The following TRDN variants were observed in gnomAD, a reference collection of about 807,000 sequenced individuals.
The protein encoded by TRDN is triadin in skeletal muscle.
TRDN carries 161 observed loss-of-function variants against 149.7 expected under a neutral mutation model. That is an observed-to-expected ratio of 1.08 (90% CI 0.95 to 1.23). TRDN has a LOEUF of 1.23. Among genes scored for constraint, TRDN ranks in the 50% most tolerant of loss-of-function variants. TRDN has a pLI of 0.00. For synonymous variants in TRDN, 294 were observed against 250.5 expected (o/e 1.17, Z -1.64); for missense variants, 896 against 823.5 (o/e 1.09, Z -1.08).
intron 20 of TRDN, among the ~76,000 whole-genome samples, chr6:123,364,846 A>AT (rs1430171759): frequency 6.6e-6 from 1 of 152,062 alleles, no homozygotes; most frequent in Non-Finnish European, 1.5e-5. Flanking sequence ...TATGTTAGTG[A>AT]TTTTCTCTGA....
intron 2 of TRDN, among the ~76,000 whole-genome samples, chr6:123,570,208 C>G (rs1348405285): frequency 6.6e-6 from 1 of 152,096 alleles, no homozygotes; most frequent in East Asian, 1.9e-4. Context: ...AAATGTTTCG[C>G]TTATGGTAAA....
At chr6:123,549,437 G>T (rs1211680050) in intron 2 of TRDN, among the ~76,000 whole-genome samples, 1 of 152,024 alleles carries the variant, frequency 6.6e-6, no homozygotes, top group Non-Finnish European at 1.5e-5. Context: ...AATTGCATCT[G>T]ATTTTTTATC....
At chr6:123,619,179 A>G (rs1379928327) in intron 1 of TRDN, among the ~76,000 whole-genome samples, 1 of 152,218 alleles carries the variant, frequency 6.6e-6, no homozygotes, top group Non-Finnish European at 1.5e-5. Flanking sequence ...CTGTAGCTGC[A>G]TAATAAAAGA....
In TRDN at chr6:123,260,644, G is replaced by GAAAAAA; in HGVS notation, c.1805-12_1805-7dup. ...TGTGACTTCTGATGTTCCTTCTTTA[G>GAAAAAA]AAAAAAAAAAAAAAAGAATGTAGAA... On this transcript the variant is annotated splice_polypyrimidine_tract_variant and splice_region_variant and intron_variant, in intron 33 of 40. Transcript: ENST00000334268. 3.8e-6 allele frequency: 4 copies of GAAAAAA among 1,062,544 alleles called. No individual in the cohort carries two copies. Among genetic ancestry groups the GAAAAAA allele is most frequent in the East Asian group, 3.5e-5 (1 of 28,516 alleles). The allele number at this position is 1,062,544 out of a possible 1,614,324, so 65.8% of individuals were successfully genotyped here. A position where few individuals can be genotyped will look rare whatever the true frequency, so the allele number is the denominator to read the frequency against.
At chr6:123,223,914 T>C (rs1775257593) in intron 39 of TRDN, among the ~76,000 whole-genome samples, 179 bp downstream of exon 39, 1 of 151,558 alleles carries the variant, frequency 6.6e-6, no homozygotes, top group Admixed American at 6.6e-5. Flanking sequence ...TGAAAAGATG[T>C]ATATTTTCCA....
intron 24 of TRDN, among the ~76,000 whole-genome samples, chr6:123,280,883 T>C (rs889853795): frequency 1.3e-5 from 2 of 152,104 alleles, no homozygotes; most frequent in Non-Finnish European, 1.5e-5. Flanking sequence ...GTATCTATCA[T>C]TGAATGCAGG....
chr6:123,424,467 A>G (rs1194887375), intron 12 of TRDN, among the ~76,000 whole-genome samples: 2 of 152,076 alleles, frequency 1.3e-5, no homozygotes, highest in East Asian at 3.9e-4. Flanking sequence ...TCATGCATCA[A>G]TTAGCTTTCT....
intron 1 of TRDN, among the ~76,000 whole-genome samples, chr6:123,619,223 C>A (rs1785254380): frequency 6.6e-6 from 1 of 152,142 alleles, no homozygotes; most frequent in Non-Finnish European, 1.5e-5. Flanking sequence ...CAACTGTAAT[C>A]ATTTATTTTG....
chr6:123,574,171 C>T (rs762785822), intron 1 of TRDN, among the ~76,000 whole-genome samples: 12 of 151,658 alleles, frequency 7.9e-5, no homozygotes, highest in African/African-American at 2.2e-4. Flanking sequence ...TAAGGAACAT[C>T]GGAGCAAAAT....
intron 5 of TRDN, among the ~76,000 whole-genome samples, chr6:123,518,846 C>T (rs1042689680): frequency 3.9e-5 from 6 of 152,224 alleles, no homozygotes; most frequent in East Asian, 1.9e-4. Context: ...CACTGAAGCT[C>T]CTTGGACAGA....
chr6:123,557,702 C>A (rs552485241), intron 2 of TRDN, among the ~76,000 whole-genome samples: 42 of 152,184 alleles, frequency 2.8e-4, no homozygotes, highest in African/African-American at 8.7e-4. Flanking sequence ...CTGTCTTGGT[C>A]CTTCACCCTT....
intron 33 of TRDN, among the ~76,000 whole-genome samples, chr6:123,261,708 G>T (rs1450205418): frequency 6.6e-6 from 1 of 151,716 alleles, no homozygotes; most frequent in Non-Finnish European, 1.5e-5. Context: ...TTATGACAAT[G>T]AAGGTATACA....
chr6:123,470,608 A>C (rs1419118717), intron 9 of TRDN: 3 of 152,248 alleles, frequency 2.0e-5, no homozygotes, highest in Non-Finnish European at 4.4e-5. Context: ...GCAGGACCCC[A>C]CTAAACTATA....
intron 24 of TRDN, among the ~76,000 whole-genome samples, chr6:123,303,318 G>T (rs1582843551): frequency 2.1e-5 from 1 of 47,496 alleles, no homozygotes; most frequent in African/African-American, 5.6e-5. Flanking sequence ...TTTCCATAAA[G>T]ATAATGTTGT....
Position 123,464,994 on chromosome 6 carries a change from T to C in TRDN, c.854-11A>G. The C allele has an allele frequency of 1.3e-6, 2 of 1,573,916 alleles. No individual in the cohort carries two copies. Among genetic ancestry groups the C allele is most frequent in the Non-Finnish European group, 1.7e-6 (2 of 1,159,612 alleles). On this transcript the variant is annotated splice_polypyrimidine_tract_variant and intron_variant, in intron 9 of 40. Transcript: ENST00000334268. ...TGGCTGGGCTTTGTCCTACACAATG[T>C]AGAAGTAGGAATTGGAAAAAAAAAA...
chr6:123,343,941 C>T (rs1193978763), intron 21 of TRDN, among the ~76,000 whole-genome samples: 4 of 151,916 alleles, frequency 2.6e-5, no homozygotes, highest in African/African-American at 9.7e-5. Flanking sequence ...ATGGAACCCT[C>T]ATTAATCAAA....
At chr6:123,625,303 G>A (rs1054887658) in intron 1 of TRDN, among the ~76,000 whole-genome samples, 2 of 152,062 alleles carry the variant, frequency 1.3e-5, no homozygotes, top group African/African-American at 4.8e-5. Context: ...GGCACACCTT[G>A]GAGATACCAT....
At chr6:123,515,782 C>T (rs143463625) in intron 6 of TRDN, among the ~76,000 whole-genome samples, 57 of 152,102 alleles carry the variant, frequency 3.7e-4, no homozygotes, top group African/African-American at 1.3e-3. Context: ...TTAAAGCAAT[C>T]TAATAGATAA....
At chr6:123,426,176 G>A (rs979867673) in intron 12 of TRDN, among the ~76,000 whole-genome samples, 2 of 152,262 alleles carry the variant, frequency 1.3e-5, no homozygotes, top group Non-Finnish European at 1.5e-5. Context: ...GAAGTACATG[G>A]TTGGATTTGA....
Sources: gnomAD v4.1 joint callset for allele counts (sites outside exome capture counted in the v4.1 genomes callset) on GRCh38, gnomAD v4.1.1 for gene constraint, MANE v1.5 for transcripts, NCBI Gene and HGNC (gene_info 2026-07-23, HGNC 2026-07-21) for gene names.